Variants in SEC14L1 observed in about 807,000 individuals in gnomAD.
The protein encoded by SEC14L1 is SEC14-like protein 1.
A neutral mutation model predicts 85.3 loss-of-function variants in SEC14L1; 48 were observed. The ratio of observed to expected loss-of-function variants is 0.56; its 90% CI spans 0.45 to 0.72. The LOEUF (loss-of-function observed/expected upper bound fraction) is 0.72. SEC14L1 is among the 30% of genes least tolerant of loss of function. SEC14L1 has a pLI of 0.00. For missense variants in SEC14L1, 682 were observed against 921.4 expected, an observed-to-expected ratio of 0.74 and a Z score of 3.36; for synonymous variants, 391 against 355.5, an observed-to-expected ratio of 1.10 and a Z score of -1.12.
intron 2 of SEC14L1, among the ~76,000 whole-genome samples, chr17:77,092,500 T>C (rs1971540823): frequency 6.6e-6 from 1 of 151,808 alleles, no homozygotes; most frequent in African/African-American, 2.4e-5. Context: ...CTGTACTGAG[T>C]AATATGTGGC....
rs939754186 is a variant in SEC14L1, at chr17:77,214,621, CCTGCAGTGGGGCCGG to C, written c.*599_*613del. The C allele has an allele frequency of 1.0e-6, 1 of 985,990 alleles. No homozygotes were observed. Among genetic ancestry groups the C allele is most frequent in the African/African-American group, 1.7e-5 (1 of 57,374 alleles). The allele number at this position is 985,990 out of a possible 1,614,324, so 61.1% of individuals were successfully genotyped here. On this transcript the variant is annotated 3_prime_UTR_variant, in exon 17 of 17. Coordinates refer to ENST00000436233, the MANE Select transcript of SEC14L1 (RefSeq NM_001143998.2). ...CAGACACACCCACACCACCCACTGT[CCTGCAGTGGGGCCGG>C]GGGCTCAGGAGGGGCTCTCAGGGAC...
chr17:77,175,927 T>C (rs1037652946), intron 3 of SEC14L1, among the ~76,000 whole-genome samples: 8 of 152,122 alleles, frequency 5.3e-5, no homozygotes, highest in South Asian at 2.1e-4. Flanking sequence ...TGTGTGCTGA[T>C]TGGTTTGTGA....
At chr17:77,130,135 T>C (rs1459723373) in intron 3 of SEC14L1, 1 of 152,052 alleles carries the variant, frequency 6.6e-6, no homozygotes, top group East Asian at 1.9e-4. Context: ...CTACAGAAAC[T>C]CACCACCTAA....
At chr17:77,204,794 G>A (rs536958227) in intron 10 of SEC14L1, among the ~76,000 whole-genome samples, 112 of 152,216 alleles carry the variant, frequency 7.4e-4, no homozygotes, top group Admixed American at 2.6e-3. Flanking sequence ...ACATGCACAC[G>A]TTCACACATA....
At chr17:77,193,350 A>G in intron 5 of SEC14L1, 71 bp from the exon 6 acceptor site, 9 of 1,452,998 alleles carry the variant, frequency 6.2e-6, no homozygotes, top group Non-Finnish European at 8.4e-6. Context: ...GTTACTGGTT[A>G]AACTGAGGAG....
chr17:77,194,997 G>T (rs545940674), intron 7 of SEC14L1, 86 bp downstream of exon 7: 3 of 954,270 alleles, frequency 3.1e-6, no homozygotes, highest in Non-Finnish European at 4.9e-6. Flanking sequence ...GCCTGTTCCC[G>T]CTTCCTTGGA....
chr17:77,199,007 T>TC (rs1406643960), intron 8 of SEC14L1: 1 of 146,508 alleles, frequency 6.8e-6, no homozygotes, highest in Non-Finnish European at 1.5e-5. Flanking sequence ...TCTTCTTTCT[T>TC]TTTTTTTTTT....
chr17:77,147,022 G>GTAGCT (rs1973341371), intron 3 of SEC14L1, among the ~76,000 whole-genome samples: 2 of 152,190 alleles, frequency 1.3e-5, no homozygotes, highest in African/African-American at 4.8e-5. Context: ...GAACGGAACC[G>GTAGCT]TAGCTTCCGC....
At chr17:77,194,645 A>G in intron 6 of SEC14L1, 32 bp from the exon 7 acceptor site, 1 of 1,534,314 alleles carries the variant, frequency 6.5e-7, no homozygotes, top group South Asian at 1.1e-5. Flanking sequence ...TGTTGAATAT[A>G]TACTCACCTT....
chr17:77,123,860 C>T (rs896010494), intron 3 of SEC14L1, among the ~76,000 whole-genome samples: 7 of 152,236 alleles, frequency 4.6e-5, no homozygotes, highest in Middle Eastern at 3.4e-3. Flanking sequence ...GAAGATGTAG[C>T]GAAACGGATG....
Position 77,215,350 on chromosome 17 carries a change from A to G in SEC14L1, c.*1327A>G. On this transcript the variant is annotated 3_prime_UTR_variant, in exon 17 of 17. Coordinates refer to ENST00000436233, the MANE Select transcript of SEC14L1 (RefSeq NM_001143998.2). ...GGCCTCCACGATAAGGACATGCAAC[A>G]CGTGTTTCTGTGTGCAGCAGAGGCC... 1.0e-6 allele frequency: 1 copy of G among 985,454 alleles called. No individual in the cohort carries two copies. Among genetic ancestry groups the G allele is most frequent in the Non-Finnish European group, 1.2e-6 (1 of 829,942 alleles). The allele number at this position is 985,454 out of a possible 1,614,324, so 61.0% of individuals were successfully genotyped here.
intron 3 of SEC14L1, among the ~76,000 whole-genome samples, chr17:77,151,040 T>C (rs545409526): frequency 6.6e-6 from 1 of 152,344 alleles, no homozygotes; most frequent in South Asian, 2.1e-4. Context: ...TGGTTAGGTG[T>C]GATATTGAAA....
intron 3 of SEC14L1, among the ~76,000 whole-genome samples, chr17:77,132,060 C>T (rs139649560): frequency 5.9e-5 from 9 of 152,210 alleles, no homozygotes; most frequent in Non-Finnish European, 1.0e-4. Flanking sequence ...ATTAGGAAAT[C>T]GTGCCTGTAG....
intron 3 of SEC14L1, among the ~76,000 whole-genome samples, chr17:77,159,411 C>T (rs567477439): frequency 1.4e-5 from 2 of 144,732 alleles, no homozygotes; most frequent in African/African-American, 2.6e-5. Context: ...GACAGAGTCT[C>T]GCTCTGTTGC....
chr17:77,198,710 GAC>G (rs1471875253), intron 8 of SEC14L1, among the ~76,000 whole-genome samples: 7 of 151,980 alleles, frequency 4.6e-5, no homozygotes, highest in African/African-American at 1.7e-4. Flanking sequence ...CAGTAGCTGG[GAC>G]TCAGGCACCC....
rs766287124 is a variant in SEC14L1 at position 77,213,937 on chromosome 17, G to A, written c.2062G>A (p.Glu688Lys). ...EDFRGSMTSL[E>K]SSHSGFSQLS... ...TTACAGAGGTTCCATGACGAGCCTG[G>A]AGTCCAGCCACAGCGGCTTCTCCCA... The change falls in exon 17 of 17, where the codon GAG becomes AAG. Residue 688 changes from glutamate to lysine, a missense_variant. Around this residue, in one of 3 missense-constraint regions of SEC14L1, gnomAD observed 420 missense variants for 619.5 expected, o/e 0.68. Transcript: ENST00000436233. The surrounding 1 kb of genome is among the most constrained non-coding windows in gnomAD (Gnocchi z 7.1). 1.9e-6 allele frequency: 3 copies of A among 1,613,562 alleles called. No individual in the cohort carries two copies. In the South Asian group the frequency reaches 3.3e-5, roughly 18 times the overall value.
Position 77,098,453 on chromosome 17 carries a change from C to T in SEC14L1, c.-136+5106C>T, listed in dbSNP as rs73376318. Among the ~76,000 whole-genome samples the T allele has an allele frequency of 4.7e-4, 71 of 151,552 alleles. 1 individual carries two copies. The highest frequency in any genetic ancestry group is 1.6e-3 in the African/African-American group (68 of 41,252). The stretch of plus-strand genomic sequence containing the variant: ...GGCAGAGGTTGCAGTAAGCCATCGT[C>T]GTGCCACTGGACTTCAGCCTGGGCG... On this transcript the variant is annotated intron_variant, in intron 3 of 19. Transcript: ENST00000392476.
intron 3 of SEC14L1, among the ~76,000 whole-genome samples, chr17:77,187,588 G>C (rs935552416): frequency 6.6e-6 from 1 of 152,088 alleles, no homozygotes; most frequent in Non-Finnish European, 1.5e-5. Flanking sequence ...ATGTTGGTCA[G>C]GATGGTCTCA....
Position 77,191,194 on chromosome 17 carries a change from A to G in SEC14L1, c.227A>G (p.Asp76Gly). Residue 76 changes from aspartate to glycine, a missense_variant, in exon 5 of 17, where the codon GAT becomes GGT. Asp to Gly is a moderately conservative substitution (Grantham distance 94). Coordinates refer to ENST00000436233, the MANE Select transcript of SEC14L1 (RefSeq NM_001143998.2). The stretch of plus-strand genomic sequence containing the variant: ...TTTTTTTTGAAGATTGCAGGAGTTG[A>G]TTATGTTTATTTTGTCCAGAAAAAC... ...PRLLKKIAGV[D>G]YVYFVQKNSL... is the part of the protein sequence containing the mutation. 6.2e-7 allele frequency: 1 copy of G among 1,612,386 alleles called. No homozygotes were observed. Among genetic ancestry groups the G allele is most frequent in the Non-Finnish European group, 8.5e-7 (1 of 1,178,812 alleles).
Sources: gnomAD v4.1 joint callset for allele counts (sites outside exome capture counted in the v4.1 genomes callset) on GRCh38, gnomAD v4.1.1 for gene constraint, gnomAD v4.1.1 regional missense constraint, Gnocchi (gnomAD v3.1) non-coding constraint, MANE v1.5 for transcripts, NCBI Gene and HGNC (gene_info 2026-07-23, HGNC 2026-07-21) for gene names.